The following OR56A1 variants were observed in gnomAD, a reference collection of about 807,000 sequenced individuals.
OR56A1 encodes olfactory receptor 56A1.
For synonymous variants in OR56A1, 174 were observed against 159.1 expected (o/e 1.09, Z -0.70); for missense variants, 360 against 380.9 (o/e 0.94, Z 0.46).
In OR56A1 at chr11:6,019,821, A is replaced by G. The variant is rs1183488465; in HGVS notation, c.*6927T>C. ...TGTCAGAAGGCTTTTTCTCAAAAGC[A>G]TTTAGGCACAGTATTCAATTCGTCA... On this transcript the variant is annotated 3_prime_UTR_variant, in exon 2 of 2. Transcript: ENST00000641900. The G allele has an allele frequency of 6.6e-6, 1 of 152,148 alleles. No individual in the cohort carries two copies. Among genetic ancestry groups the G allele is most frequent in the African/African-American group, 2.4e-5 (1 of 41,440 alleles). The allele number at this position is 152,148 out of a possible 1,614,324, so 9.4% of individuals were successfully genotyped here.
At chr11:6,031,095 G>A (rs1399908511), upstream of OR56A1, among the ~76,000 whole-genome samples, 1 of 152,114 alleles carries the variant, frequency 6.6e-6, no homozygotes, top group Non-Finnish European at 1.5e-5. Context: ...TAGATGTGGA[G>A]GATTTACATG....
At position 6,026,758 on chromosome 11, in the gene OR56A1, C is replaced by T. The variant is rs1445045745; in HGVS notation, c.935G>A (p.Arg312Lys). The T allele has an allele frequency of 6.3e-7, 1 of 1,588,026 alleles. No homozygotes were observed. The highest frequency in any genetic ancestry group is 1.3e-5 in the African/African-American group (1 of 74,148). Residue 312 changes from arginine to lysine, a missense_variant, in exon 2 of 2, where the codon AGA becomes AAA. Arg to Lys is a conservative substitution (Grantham distance 26, BLOSUM62 2). Transcript: ENST00000641900. The part of the protein sequence containing the change: ...IKQGIQKLLQ[R>K]GR ...AAATGCTTTACATATTCACCTCCCTCTCTGCAGTAACTTCTGAATTCCCTG... is the reference window on the plus strand; with the variant it reads ...AAATGCTTTACATATTCACCTCCCTTTCTGCAGTAACTTCTGAATTCCCTG...
chr11:6,024,864 G>A lies in OR56A1; in HGVS notation c.*1884C>T, dbSNP rs922557545. ...ATGACAAATACTGAGTTGAACCTGTGGCTCTGGCTTGAGACAATGAGAGCC... is the reference window on the plus strand; with the variant it reads ...ATGACAAATACTGAGTTGAACCTGTAGCTCTGGCTTGAGACAATGAGAGCC... On this transcript the variant is annotated 3_prime_UTR_variant, in exon 2 of 2. Coordinates refer to ENST00000641900, the MANE Select transcript of OR56A1 (RefSeq NM_001388488.1). The A allele has an allele frequency of 6.6e-6, 1 of 152,118 alleles. No individual in the cohort carries two copies. The highest frequency in any genetic ancestry group is 1.5e-5 in the Non-Finnish European group (1 of 68,024). The allele number at this position is 152,118 out of a possible 1,614,324, so 9.4% of individuals were successfully genotyped here. A position where few individuals can be genotyped will look rare whatever the true frequency, so the allele number is the denominator to read the frequency against.
rs946328859 is a variant in OR56A1, at chr11:6,027,003, T to C, written c.690A>G (p.Arg230=). The change falls in exon 2 of 2, where the codon AGA becomes AGG. Residue 230 remains arginine, a synonymous_variant. Transcript: ENST00000641900. ...TCACTGCCGCCCCCTCTGCTTTGAATCTAAGCACAGCTCTTAGAATGAAGG... is the reference window on the plus strand; with the variant it reads ...TCACTGCCGCCCCCTCTGCTTTGAACCTAAGCACAGCTCTTAGAATGAAGG... The part of the protein sequence containing the change: ...SYTFILRAVL[R]FKAEGAAVKA... 1.9e-6 allele frequency: 3 copies of C among 1,614,032 alleles called. No homozygotes were observed. The African/African-American group carries it at 4.0e-5, about 22-fold the overall frequency.
rs753110884 is a variant in OR56A1, at chr11:6,022,514, A to T, written c.*4234T>A. The T allele has an allele frequency of 1.3e-5, 2 of 152,156 alleles. No homozygotes were observed. The highest frequency in any genetic ancestry group is 2.9e-5 in the Non-Finnish European group (2 of 68,008). The allele number at this position is 152,156 out of a possible 1,614,324, so 9.4% of individuals were successfully genotyped here. A position where few individuals can be genotyped will look rare whatever the true frequency, so the allele number is the denominator to read the frequency against. The stretch of plus-strand genomic sequence containing the variant: ...GTTTTTAGTGTACTCTGCCTTTGAT[A>T]TCTATAATCTGGAGTATGAAAAACT... On this transcript the variant is annotated 3_prime_UTR_variant, in exon 2 of 2. Coordinates refer to ENST00000641900, the MANE Select transcript of OR56A1 (RefSeq NM_001388488.1).
intron 1 of OR56A1, among the ~76,000 whole-genome samples, chr11:6,029,887 TC>T (rs2133609511): frequency 6.6e-6 from 1 of 152,304 alleles, no homozygotes; most frequent in South Asian, 2.1e-4. Flanking sequence ...TACTTAGACC[TC>T]TCCAGAAGCC....
rs772462264 is a variant in OR56A1 at position 6,027,028 on chromosome 11, G to A, written c.665C>T (p.Thr222Ile). 2 of 1,614,006 alleles carry A rather than the reference G, an allele frequency of 1.2e-6. No homozygotes were observed. Among genetic ancestry groups the A allele is most frequent in the African/African-American group, 2.7e-5 (2 of 74,936 alleles). ...TCTAAGCACAGCTCTTAGAATGAAG[G>A]TGTAAGAGAGGAAGATGAGGAATAA... ...SDLFLIFLSY[T>I]FILRAVLRFK... is the part of the protein sequence containing the mutation. The change falls in exon 2 of 2, where the codon ACC (threonine) becomes ATC (isoleucine). Residue 222 changes from threonine (T) to isoleucine (I), a missense_variant. Transcript: ENST00000641900.
intron 1 of OR56A1, 148 bp from the exon 2 acceptor site, chr11:6,027,874 G>A: frequency 1.8e-6 from 1 of 570,286 alleles, no homozygotes; most frequent in Non-Finnish European, 3.1e-6. Flanking sequence ...GTAGAATTGT[G>A]AGACTTGATA....
In OR56A1 at chr11:6,023,229, T is replaced by G. The variant is rs1407473499; in HGVS notation, c.*3519A>C. 3 of 152,192 alleles carry G rather than the reference T, an allele frequency of 2.0e-5. No individual in the cohort carries two copies. Among genetic ancestry groups the G allele is most frequent in the Non-Finnish European group, 4.4e-5 (3 of 68,026 alleles). 9.4% of individuals were successfully genotyped at this position (152,192 alleles called of 1,614,324 possible). A position where few individuals can be genotyped will look rare whatever the true frequency, so the allele number is the denominator to read the frequency against. On this transcript the variant is annotated 3_prime_UTR_variant, in exon 2 of 2. Transcript: ENST00000641900. Reference sequence around the variant, plus strand: ...TTAACTTCAGACGTTGCTGTTTAAGTTCTACAGTTGCAGTCTTGATGCTAT... The same window carrying G: ...TTAACTTCAGACGTTGCTGTTTAAGGTCTACAGTTGCAGTCTTGATGCTAT...
At position 6,024,387 on chromosome 11, in the gene OR56A1, G is replaced by A. The variant is rs527882711; in HGVS notation, c.*2361C>T. On this transcript the variant is annotated 3_prime_UTR_variant, in exon 2 of 2. Transcript: ENST00000641900. ...CATTGATCTACAGAAGTCTGGTTCG[G>A]GAATTAAGATCTGAGTTTTGGCCAA... 6.6e-6 allele frequency: 1 copy of A among 152,254 alleles called. No homozygotes were observed. The highest frequency in any genetic ancestry group is 2.1e-4 in the South Asian group (1 of 4,826). The allele number at this position is 152,254 out of a possible 1,614,324, so 9.4% of individuals were successfully genotyped here. A position where few individuals can be genotyped will look rare whatever the true frequency, so the allele number is the denominator to read the frequency against.
In OR56A1 at chr11:6,023,233, A is replaced by C. The variant is rs372436677; in HGVS notation, c.*3515T>G. The C allele has an allele frequency of 4.6e-5, 7 of 152,290 alleles. No individual in the cohort carries two copies. In the East Asian group the frequency reaches 1.2e-3, roughly 25 times the overall value. The allele number at this position is 152,290 out of a possible 1,614,324, so 9.4% of individuals were successfully genotyped here. ...CTTCAGACGTTGCTGTTTAAGTTCT[A>C]CAGTTGCAGTCTTGATGCTATAAAC... is the stretch of plus-strand genomic sequence containing the variant. On this transcript the variant is annotated 3_prime_UTR_variant, in exon 2 of 2. Transcript: ENST00000641900.
chr11:6,027,714 AG>A lies in OR56A1; in HGVS notation c.-23del. 6.5e-7 allele frequency: 1 copy of A among 1,530,416 alleles called. No individual in the cohort carries two copies. Among genetic ancestry groups the A allele is most frequent in the Non-Finnish European group, 8.8e-7 (1 of 1,133,462 alleles). The allele number at this position is 1,530,416 out of a possible 1,614,324, so 94.8% of individuals were successfully genotyped here. A position where few individuals can be genotyped will look rare whatever the true frequency, so the allele number is the denominator to read the frequency against. Reference sequence around the variant, plus strand: ...CCATAGGCTGAATCATGAGCTGAGTAGGCTTCTGATGACTATGTTTATGGGC... The same window carrying A: ...CCATAGGCTGAATCATGAGCTGAGTAGCTTCTGATGACTATGTTTATGGGC... On this transcript the variant is annotated 5_prime_UTR_variant, in exon 2 of 2. An upstream open reading frame in the 5' UTR gains an earlier in-frame stop. Coordinates refer to ENST00000641900, the MANE Select transcript of OR56A1 (RefSeq NM_001388488.1).
Position 6,027,002 on chromosome 11 carries a change from A to T in OR56A1, c.691T>A (p.Phe231Ile). 6.2e-7 allele frequency: 1 copy of T among 1,613,894 alleles called. No individual in the cohort carries two copies. The highest frequency in any genetic ancestry group is 2.2e-5 in the East Asian group (1 of 44,874). ...YTFILRAVLR[F>I]KAEGAAVKAL... ...TTCACTGCCGCCCCCTCTGCTTTGA[A>T]TCTAAGCACAGCTCTTAGAATGAAG... The change falls in exon 2 of 2, where the codon TTC becomes ATC. Residue 231 changes from phenylalanine to isoleucine, a missense_variant. Phe to Ile is a conservative substitution (Grantham distance 21, BLOSUM62 0). Coordinates refer to ENST00000641900, the MANE Select transcript of OR56A1 (RefSeq NM_001388488.1).
rs1382078268 is a variant in OR56A1 at position 6,021,219 on chromosome 11, G to A, written c.*5529C>T. ...TATTAGGCCTTCGAGGGGGTTTATTGCCAAAGAAACATGAACTTGACTTTT... is the reference window on the plus strand; with the variant it reads ...TATTAGGCCTTCGAGGGGGTTTATTACCAAAGAAACATGAACTTGACTTTT... On this transcript the variant is annotated 3_prime_UTR_variant, in exon 2 of 2. Coordinates refer to ENST00000641900, the MANE Select transcript of OR56A1 (RefSeq NM_001388488.1). 1 of 151,996 alleles carries A rather than the reference G, an allele frequency of 6.6e-6. No homozygotes were observed. Among genetic ancestry groups the A allele is most frequent in the African/African-American group, 2.4e-5 (1 of 41,406 alleles). The allele number at this position is 151,996 out of a possible 1,614,324, so 9.4% of individuals were successfully genotyped here. A position where few individuals can be genotyped will look rare whatever the true frequency, so the allele number is the denominator to read the frequency against.
At chr11:6,032,175 G>A (rs2133611817), upstream of OR56A1, among the ~76,000 whole-genome samples, 1 of 152,244 alleles carries the variant, frequency 6.6e-6, no homozygotes, top group Middle Eastern at 3.4e-3. Context: ...AGGAAGTGTA[G>A]ATGGGGAAAG....
chr11:6,030,544 A>G (rs1363661661), intron 1 of OR56A1, among the ~76,000 whole-genome samples, 158 bp downstream of exon 1: 1 of 151,562 alleles, frequency 6.6e-6, no homozygotes, highest in Non-Finnish European at 1.5e-5. Flanking sequence ...TATATTATCT[A>G]CCTCCTTCCT....
chr11:6,027,350 A>G lies in OR56A1; in HGVS notation c.343T>C (p.Ser115Pro). 1 of 1,614,036 alleles carries G rather than the reference A, an allele frequency of 6.2e-7. No individual in the cohort carries two copies. The highest frequency in any genetic ancestry group is 1.1e-5 in the South Asian group (1 of 91,068). The change falls in exon 2 of 2, where the codon TCC becomes CCC. Residue 115 changes from serine (S) to proline (P), a missense_variant. By Grantham distance (74) the Ser-to-Pro change is moderately conservative. Coordinates refer to ENST00000641900, the MANE Select transcript of OR56A1 (RefSeq NM_001388488.1). ...TAGGCCATGACCATAAACGTGCAGG[A>G]CTCCATGGGGAGGAAACTGTTCATG... is the stretch of plus-strand genomic sequence containing the variant. ...FIMNSFLPMESCTFMVMAYDR... is the reference protein window; with the variant it reads ...FIMNSFLPMEPCTFMVMAYDR...
chr11:6,031,527 A>C (rs1361070675), upstream of OR56A1, among the ~76,000 whole-genome samples: 1 of 152,182 alleles, frequency 6.6e-6, no homozygotes, highest in Non-Finnish European at 1.5e-5. Context: ...GGCACTGAGG[A>C]TGGGAAGAAG....
rs1848456839 is a variant in OR56A1, at chr11:6,027,039, G to C, written c.654C>G (p.Phe218Leu). 4 of 1,614,200 alleles carry C rather than the reference G, an allele frequency of 2.5e-6. No homozygotes were observed. Among genetic ancestry groups the C allele is most frequent in the African/African-American group, 2.7e-5 (2 of 75,052 alleles). Residue 218 changes from phenylalanine (F) to leucine (L), a missense_variant, in exon 2 of 2, where the codon TTC (phenylalanine) becomes TTG (leucine). By Grantham distance (22) the Phe-to-Leu change is conservative (BLOSUM62 0). Transcript: ENST00000641900. ...TLLGSDLFLIFLSYTFILRAV... is the reference protein window; with the variant it reads ...TLLGSDLFLILLSYTFILRAV... ...CTCTTAGAATGAAGGTGTAAGAGAG[G>C]AAGATGAGGAATAAATCTGAGCCCA...
Sources: gnomAD v4.1 joint callset for allele counts (sites outside exome capture counted in the v4.1 genomes callset) on GRCh38, gnomAD v4.1.1 for gene constraint, MANE v1.5 for transcripts, NCBI Gene and HGNC (gene_info 2026-07-23, HGNC 2026-07-21) for gene names.